MAPRE2: variants seen among roughly 807,000 people sequenced by gnomAD.
MAPRE2 encodes the protein microtubule associated protein RP/EB family member 2, also known as microtubule-associated protein RP/EB family member 2.
In MAPRE2, 13 loss-of-function variants were observed where a neutral mutation model predicts 43.2. The observed-to-expected ratio is 0.30, with a 90% CI of 0.20 to 0.48. The LOEUF is 0.48. MAPRE2 is among the 20% of genes least tolerant of loss of function. The probability of loss-of-function intolerance (pLI) is 0.99; values close to 1 mark genes in which losing one functional copy is unlikely to be tolerated. For synonymous variants in MAPRE2, 135 were observed against 148.8 expected (o/e 0.91, Z 0.68); for missense variants, 161 against 400.2 (o/e 0.40, Z 5.10).
In MAPRE2 at chr18:34,997,473, A is replaced by G. The variant is rs151313703; in HGVS notation, c.-69-8019A>G. On this transcript the variant is annotated intron_variant, in intron 1 of 7. Transcript: ENST00000413393. ...GGAAAAAGCATAAGGAGAGAAAAGCAGCTAACTAAAAGGCAAGCAGAGTGA... is the reference window on the plus strand; with the variant it reads ...GGAAAAAGCATAAGGAGAGAAAAGCGGCTAACTAAAAGGCAAGCAGAGTGA... Among the ~76,000 whole-genome samples, 271 of 152,312 alleles carry G rather than the reference A, an allele frequency of 1.8e-3. 1 individual carries two copies. Among genetic ancestry groups the G allele is most frequent in the African/African-American group, 6.0e-3 (250 of 41,560 alleles).
intron 4 of MAPRE2, among the ~76,000 whole-genome samples, chr18:35,121,560 C>T (rs904018292): frequency 3.9e-5 from 6 of 151,954 alleles, no homozygotes; most frequent in African/African-American, 1.5e-4. Context: ...AACAGGGCCA[C>T]TACTAATTAT....
In MAPRE2 at chr18:35,108,607, A is replaced by G. The variant is rs183953356; in HGVS notation, c.610+6448A>G. On this transcript the variant is annotated intron_variant, in intron 4 of 6. Coordinates refer to ENST00000300249, the MANE Select transcript of MAPRE2 (RefSeq NM_014268.4). ...CCACCAACAGTGTAAAAACATTCCT[A>G]TTTCTCCACAGCCTCGCCAGCATCT... is the stretch of plus-strand genomic sequence containing the variant. Among the ~76,000 whole-genome samples the G allele has an allele frequency of 2.2e-4, 34 of 152,106 alleles. No individual in the cohort carries two copies. In the East Asian group the frequency reaches 5.8e-3, roughly 26 times the overall value.
At chr18:35,056,406 G>A (rs1906235637) in intron 1 of MAPRE2, among the ~76,000 whole-genome samples, 1 of 152,012 alleles carries the variant, frequency 6.6e-6, no homozygotes, top group Non-Finnish European at 1.5e-5. Context: ...CAGGTTTTTG[G>A]TTTAGGTTTG....
upstream of MAPRE2, among the ~76,000 whole-genome samples, chr18:35,039,738 G>GT (rs2097052583): frequency 6.6e-6 from 1 of 152,302 alleles, no homozygotes; most frequent in East Asian, 1.9e-4. Flanking sequence ...GTGTTTACTT[G>GT]TTTTTAATAT....
intron 1 of MAPRE2, among the ~76,000 whole-genome samples, chr18:34,984,038 C>G (rs2097017745): frequency 6.6e-6 from 1 of 152,180 alleles, no homozygotes. Flanking sequence ...ACTAACACTG[C>G]TAAAGCTGAC....
At chr18:34,983,136 G>C (rs2097017252) in intron 1 of MAPRE2, among the ~76,000 whole-genome samples, 1 of 152,092 alleles carries the variant, frequency 6.6e-6, no homozygotes, top group Non-Finnish European at 1.5e-5. Context: ...TTCACTTAAA[G>C]CCTTAGTCTT....
intron 3 of MAPRE2, 123 bp from the exon 4 acceptor site, chr18:35,101,823 A>C: frequency 1.4e-6 from 1 of 693,080 alleles, no homozygotes; most frequent in Non-Finnish European, 2.4e-6. Flanking sequence ...AATCTTAGCT[A>C]TTATAAACAG....
At chr18:35,090,731 C>CAAAAAA (rs56812109) in intron 2 of MAPRE2, among the ~76,000 whole-genome samples, 2 of 110,354 alleles carry the variant, frequency 1.8e-5, no homozygotes, top group African/African-American at 3.4e-5. Flanking sequence ...GATTCGGTCT[C>CAAAAAA]AAAAAAAAAA....
intron 2 of MAPRE2, among the ~76,000 whole-genome samples, chr18:35,007,531 A>T (rs1051467368): frequency 6.6e-6 from 1 of 152,110 alleles, no homozygotes; most frequent in Non-Finnish European, 1.5e-5. Flanking sequence ...ACAGACAAAG[A>T]TAACACATAA....
At chr18:34,977,751 A>C (rs2097014021) in intron 1 of MAPRE2, among the ~76,000 whole-genome samples, 1 of 152,176 alleles carries the variant, frequency 6.6e-6, no homozygotes, top group South Asian at 2.1e-4. Context: ...TCTCTTCTGC[A>C]GGGAGCCCCG....
At chr18:35,083,965 C>T (rs2144134353) in intron 2 of MAPRE2, among the ~76,000 whole-genome samples, 1 of 152,270 alleles carries the variant, frequency 6.6e-6, no homozygotes. Flanking sequence ...TATGAAGAAG[C>T]ACTTTTAAAA....
At chr18:34,998,772 ATTTTTTTTTTTTT>A (rs67933808) in intron 1 of MAPRE2, among the ~76,000 whole-genome samples, 2,203 of 93,768 alleles carry the variant, frequency 0.023, 45 homozygotes, top group Middle Eastern at 0.061. Flanking sequence ...CGAAGTTGCA[ATTTTTTTTTTTTT>A]TTTTTTTTTT....
intron 1 of MAPRE2, among the ~76,000 whole-genome samples, chr18:35,059,034 G>C (rs1906383758): frequency 6.7e-6 from 1 of 148,922 alleles, no homozygotes. Flanking sequence ...ACATGGCATT[G>C]TTGCAAAGAT....
intron 3 of MAPRE2, among the ~76,000 whole-genome samples, chr18:35,099,269 A>G (rs980725828): frequency 2.0e-5 from 3 of 152,364 alleles, no homozygotes; most frequent in African/African-American, 2.4e-5. Flanking sequence ...ATATCAGCAT[A>G]AACAAAAATT....
chr18:35,133,177 A>G (rs1300699498), intron 6 of MAPRE2, among the ~76,000 whole-genome samples: 4 of 152,126 alleles, frequency 2.6e-5, no homozygotes, highest in African/African-American at 9.7e-5. Context: ...TGTTTACTCC[A>G]TTTATGCCTC....
chr18:35,056,895 G>A (rs558072446), intron 1 of MAPRE2, among the ~76,000 whole-genome samples: 81 of 152,248 alleles, frequency 5.3e-4, no homozygotes, highest in African/African-American at 1.9e-3. Flanking sequence ...GCTCCTGTAA[G>A]TCCTCATAGC....
At chr18:34,993,098 G>A (rs184930488) in intron 1 of MAPRE2, among the ~76,000 whole-genome samples, 3 of 152,080 alleles carry the variant, frequency 2.0e-5, no homozygotes, top group Non-Finnish European at 4.4e-5. Context: ...ACTGGACACT[G>A]ATTTATTTAT....
chr18:35,086,512 G>A (rs962631431), intron 2 of MAPRE2, among the ~76,000 whole-genome samples: 7 of 151,732 alleles, frequency 4.6e-5, no homozygotes, highest in Non-Finnish European at 8.8e-5. Context: ...CAGTCCAAAC[G>A]ATTTATATGT....
At chr18:35,118,227 C>T (rs1010279876) in intron 4 of MAPRE2, among the ~76,000 whole-genome samples, 11 of 152,172 alleles carry the variant, frequency 7.2e-5, no homozygotes, top group African/African-American at 2.7e-4. Context: ...CGGCAGGCCC[C>T]TGACCTGCAG....
Sources: allele counts gnomAD v4.1 joint callset (sites outside exome capture counted in the v4.1 genomes callset), GRCh38; gene constraint gnomAD v4.1.1; transcripts MANE v1.5; gene names NCBI Gene and HGNC (gene_info 2026-07-23, HGNC 2026-07-21).